IMPG1: variants seen among roughly 807,000 people sequenced by gnomAD.
IMPG1 encodes interphotoreceptor matrix proteoglycan 1.
In IMPG1, 85 loss-of-function variants were observed where a neutral mutation model predicts 92.0. The ratio of observed to expected loss-of-function variants is 0.92; its 90% CI spans 0.78 to 1.11. The LOEUF (loss-of-function observed/expected upper bound fraction) is 1.11, where lower values mean the gene tolerates loss of function less well. IMPG1 is among the 50% of genes least tolerant of loss of function. The pLI, the probability that IMPG1 is intolerant of heterozygous loss-of-function variation, is 0.00. For missense variants in IMPG1, 1,022 were observed against 956.0 expected, an observed-to-expected ratio of 1.07 and a Z score of -0.91; for synonymous variants, 367 against 334.1, an observed-to-expected ratio of 1.10 and a Z score of -1.08.
At chr6:76,040,364 A>G (rs1054684048) in intron 2 of IMPG1, among the ~76,000 whole-genome samples, 9 of 152,246 alleles carry the variant, frequency 5.9e-5, no homozygotes, top group Non-Finnish European at 1.3e-4. Flanking sequence ...GAAAATAGGA[A>G]TAGTTGCATT....
At chr6:76,019,668 A>T (rs1783380940) in intron 6 of IMPG1, among the ~76,000 whole-genome samples, 1 of 152,210 alleles carries the variant, frequency 6.6e-6, no homozygotes, top group Non-Finnish European at 1.5e-5. Context: ...TGTTTGTTTA[A>T]AAGACTTTCA....
chr6:76,002,995 T>A lies in IMPG1; in HGVS notation c.1214A>T (p.Asp405Val). The part of the protein sequence containing the change: ...LPTSFAVITE[D>V]ATLSPELPPV... ...AGGAAGTTCTGGACTCAAAGTAGCA[T>A]CCTGAAGAATGAATTTTGCAAGACA... Residue 405 changes from aspartate (D) to valine (V), a missense_variant and splice_region_variant, in exon 12 of 17, where the codon GAT becomes GTT. Asp to Val is a radical substitution (Grantham distance 152, BLOSUM62 -3). Around this residue, in one of 3 missense-constraint regions of IMPG1, gnomAD observed 681 missense variants for 583.6 expected, o/e 1.17. Coordinates refer to ENST00000369950, the MANE Select transcript of IMPG1 (RefSeq NM_001563.4). 1 of 1,611,702 alleles carries A rather than the reference T, an allele frequency of 6.2e-7. No homozygotes were observed. Among genetic ancestry groups the A allele is most frequent in the African/African-American group, 1.3e-5 (1 of 74,960 alleles).
At chr6:76,019,865 G>C (rs1783385577) in intron 6 of IMPG1, among the ~76,000 whole-genome samples, 1 of 152,144 alleles carries the variant, frequency 6.6e-6, no homozygotes, top group South Asian at 2.1e-4. Context: ...TAACCAGAGA[G>C]AAGAACTTAT....
intron 14 of IMPG1, chr6:75,934,942 A>G (rs1300308690): frequency 4.2e-6 from 2 of 471,566 alleles, no homozygotes; most frequent in Admixed American, 2.3e-5. Flanking sequence ...AGAAAGTGAT[A>G]CATCTCCTTT....
At chr6:76,014,942 TCA>T (rs901095498) in intron 7 of IMPG1, among the ~76,000 whole-genome samples, 10 of 152,200 alleles carry the variant, frequency 6.6e-5, no homozygotes, top group African/African-American at 2.4e-4. Context: ...GACAAAAGCC[TCA>T]GTTAATTCTG....
chr6:75,942,824 G>A (rs1781857388), intron 14 of IMPG1, among the ~76,000 whole-genome samples: 1 of 152,126 alleles, frequency 6.6e-6, no homozygotes, highest in South Asian at 2.1e-4. Flanking sequence ...CCGTTAATGT[G>A]TTTTAAAATT....
chr6:76,051,294 A>G (rs1239215323), intron 1 of IMPG1, among the ~76,000 whole-genome samples: 4 of 152,226 alleles, frequency 2.6e-5, no homozygotes, highest in Admixed American at 6.5e-5. Context: ...AAGCAATTAA[A>G]TACAAATCGT....
chr6:76,042,586 T>C (rs980917948), intron 1 of IMPG1, among the ~76,000 whole-genome samples: 1 of 152,102 alleles, frequency 6.6e-6, no homozygotes, highest in African/African-American at 2.4e-5. Flanking sequence ...TCCTGCCTAT[T>C]AGTGGTAGCC....
chr6:76,034,671 T>C lies in IMPG1; in HGVS notation c.418A>G (p.Ile140Val), dbSNP rs199512173. 4.3e-6 allele frequency: 7 copies of C among 1,614,180 alleles called. No homozygotes were observed. The East Asian group carries it at 8.9e-5, about 21-fold the overall frequency. Residue 140 changes from isoleucine (I) to valine (V), a missense_variant, in exon 3 of 17, where the codon ATT becomes GTT. By Grantham distance (29) the Ile-to-Val change is conservative (BLOSUM62 3). Coordinates refer to ENST00000369950, the MANE Select transcript of IMPG1 (RefSeq NM_001563.4). ...TGGGAATTGCTGAAGTTTTTTCCAA[T>C]GTCAAAGAGGCAGAAGGTCTCCTGC... The part of the protein sequence containing the change: ...CQQETFCLFD[I>V]GKNFSNSQEH...
chr6:76,018,343 C>T (rs576327224), intron 7 of IMPG1, among the ~76,000 whole-genome samples: 46 of 152,236 alleles, frequency 3.0e-4, no homozygotes, highest in Admixed American at 1.9e-3. Flanking sequence ...TGTGATGAGA[C>T]GAAGTAAGGT....
chr6:75,947,578 T>A, intron 13 of IMPG1, 45 bp from the exon 14 acceptor site: 1 of 1,334,184 alleles, frequency 7.5e-7, no homozygotes, highest in Admixed American at 1.9e-5. Flanking sequence ...TTCTAAGTGC[T>A]CAGCTGCTGC....
chr6:75,956,402 C>T (rs1327705781), intron 12 of IMPG1, among the ~76,000 whole-genome samples: 2 of 152,096 alleles, frequency 1.3e-5, no homozygotes, highest in African/African-American at 2.4e-5. Context: ...TTATAGTATG[C>T]TCTGATGGTA....
chr6:75,980,710 C>T (rs564617435), intron 12 of IMPG1, among the ~76,000 whole-genome samples: 1 of 152,228 alleles, frequency 6.6e-6, no homozygotes, highest in Non-Finnish European at 1.5e-5. Context: ...GAAGGCTGAA[C>T]TGTTGGCTTC....
At chr6:75,924,756 C>CATA (rs1781523604) in intron 15 of IMPG1, among the ~76,000 whole-genome samples, 1 of 29,512 alleles carries the variant, frequency 3.4e-5, no homozygotes, top group African/African-American at 1.3e-4. Context: ...TATAATATAT[C>CATA]ATATAATTAT....
chr6:76,052,655 A>G (rs1784063335), intron 1 of IMPG1, among the ~76,000 whole-genome samples: 2 of 152,200 alleles, frequency 1.3e-5, no homozygotes, highest in Admixed American at 1.3e-4. Flanking sequence ...TTACTTTGGC[A>G]ATTTTAGCAA....
chr6:76,038,765 G>A (rs1447583862), intron 2 of IMPG1, among the ~76,000 whole-genome samples: 3 of 152,226 alleles, frequency 2.0e-5, no homozygotes, highest in Non-Finnish European at 4.4e-5. Flanking sequence ...GCCAATGCCT[G>A]AAATCTGATC....
chr6:76,009,248 TA>T (rs1319908325), intron 8 of IMPG1, among the ~76,000 whole-genome samples: 1 of 152,202 alleles, frequency 6.6e-6, no homozygotes, highest in Non-Finnish European at 1.5e-5. Flanking sequence ...TGCTGAGAGA[TA>T]AAGCAATATT....
intron 1 of IMPG1, among the ~76,000 whole-genome samples, chr6:76,063,763 G>A (rs1784250406): frequency 6.6e-6 from 1 of 152,194 alleles, no homozygotes; most frequent in Admixed American, 6.5e-5. Flanking sequence ...ACATAGGGCT[G>A]GGTGACTCCA....
chr6:76,003,448 A>G (rs961126022), intron 11 of IMPG1, among the ~76,000 whole-genome samples: 1 of 152,154 alleles, frequency 6.6e-6, no homozygotes, highest in South Asian at 2.1e-4. Context: ...TATTTATCAA[A>G]CCCCCATAAA....
Sources: gnomAD v4.1 joint callset for allele counts (sites outside exome capture counted in the v4.1 genomes callset) on GRCh38, gnomAD v4.1.1 for gene constraint, gnomAD v4.1.1 regional missense constraint, MANE v1.5 for transcripts, NCBI Gene and HGNC (gene_info 2026-07-23, HGNC 2026-07-21) for gene names.